SLC25A48: variants seen among roughly 807,000 people sequenced by gnomAD.
SLC25A48 encodes CTC-321K16.1.
SLC25A48 carries 29 observed loss-of-function variants against 32.2 expected under a neutral mutation model. The observed-to-expected ratio is 0.90, with a 90% confidence interval of 0.67 to 1.23. The LOEUF (loss-of-function observed/expected upper bound fraction) is 1.23. Ranked by LOEUF, SLC25A48 falls within the 50% of genes most tolerant of loss-of-function variation. SLC25A48 has a pLI of 0.00. For synonymous variants in SLC25A48, 164 were observed against 172.3 expected (o/e 0.95, Z 0.38); for missense variants, 399 against 422.7 (o/e 0.94, Z 0.49).
chr5:135,715,957 T>C (rs918911671), intron 3 of SLC25A48, among the ~76,000 whole-genome samples: 3 of 152,208 alleles, frequency 2.0e-5, no homozygotes, highest in Non-Finnish European at 2.9e-5. Flanking sequence ...TCCTGGCTTT[T>C]ACTTGGAATA....
At chr5:135,660,733 C>T (rs1447957724) in intron 3 of SLC25A48, among the ~76,000 whole-genome samples, 1 of 122,178 alleles carries the variant, frequency 8.2e-6, no homozygotes, top group Non-Finnish European at 1.7e-5. Flanking sequence ...AAGAACAGTG[C>T]TTCTCAAGCT....
At position 135,808,639 on chromosome 5, in the gene SLC25A48, C is replaced by T. The variant is rs532177381; in HGVS notation, c.-520-3884C>T. The stretch of plus-strand genomic sequence containing the variant: ...TGTGGACATCGAGAGGACCAGAGCC[C>T]GCTTGCTTTTCTGATCCTGTCCTGT... On this transcript the variant is annotated intron_variant, in intron 3 of 10. Coordinates refer to the SLC25A48 transcript ENST00000646290. Among the ~76,000 whole-genome samples, 52 of 152,178 alleles carry T rather than the reference C, an allele frequency of 3.4e-4. No homozygotes were observed. In the South Asian group the frequency reaches 9.8e-3, roughly 29 times the overall value.
At chr5:135,633,832 A>G (rs527290214) in intron 2 of SLC25A48, among the ~76,000 whole-genome samples, 1 of 152,328 alleles carries the variant, frequency 6.6e-6, no homozygotes, top group Admixed American at 6.5e-5. Flanking sequence ...TGTGGCAAAT[A>G]TATTGTTTGC....
At chr5:135,806,105 C>G (rs970192447) in intron 3 of SLC25A48, among the ~76,000 whole-genome samples, 4 of 151,552 alleles carry the variant, frequency 2.6e-5, no homozygotes, top group Non-Finnish European at 5.9e-5. Flanking sequence ...TTGCATTCAG[C>G]CTTTGTTGTC....
intron 3 of SLC25A48, among the ~76,000 whole-genome samples, chr5:135,667,830 T>C (rs941415081): frequency 1.1e-4 from 16 of 152,232 alleles, no homozygotes; most frequent in African/African-American, 3.6e-4. Context: ...TTTCAAATAG[T>C]AATGTTTTCA....
At chr5:135,667,637 T>G (rs947984742) in intron 3 of SLC25A48, among the ~76,000 whole-genome samples, 1 of 152,228 alleles carries the variant, frequency 6.6e-6, no homozygotes, top group African/African-American at 2.4e-5. Flanking sequence ...TTGTGATTCC[T>G]AAGACTCCAG....
chr5:135,801,495 A>G (rs1034132735), intron 3 of SLC25A48, among the ~76,000 whole-genome samples: 1 of 148,612 alleles, frequency 6.7e-6, no homozygotes, highest in African/African-American at 2.5e-5. Context: ...GGGTGTGTAA[A>G]CCCCCTGTGA....
At chr5:135,799,405 ATAT>A (rs1757266401) in intron 3 of SLC25A48, among the ~76,000 whole-genome samples, 1 of 151,070 alleles carries the variant, frequency 6.6e-6, no homozygotes, top group Admixed American at 6.7e-5. Context: ...CCGCCCCGTG[ATAT>A]TGTTTCTAAT....
intron 3 of SLC25A48, among the ~76,000 whole-genome samples, chr5:135,757,068 C>T (rs1755930947): frequency 6.7e-6 from 1 of 149,106 alleles, no homozygotes; most frequent in Admixed American, 6.7e-5. Flanking sequence ...AGTGTTAACA[C>T]TATGATATTT....
intron 3 of SLC25A48, among the ~76,000 whole-genome samples, chr5:135,705,861 C>T (rs1368192993): frequency 1.3e-5 from 2 of 152,132 alleles, no homozygotes; most frequent in African/African-American, 2.4e-5. Flanking sequence ...GGCTGGTCCC[C>T]ATGGCAAAGT....
chr5:135,585,431 C>G (rs1751341653), intron 1 of SLC25A48, among the ~76,000 whole-genome samples: 2 of 152,218 alleles, frequency 1.3e-5, no homozygotes, highest in Non-Finnish European at 2.9e-5. Flanking sequence ...GTAGGAGAGG[C>G]ACCTGCTGTC....
intron 3 of SLC25A48, among the ~76,000 whole-genome samples, chr5:135,805,860 A>G (rs956043876): frequency 6.6e-6 from 1 of 151,420 alleles, no homozygotes; most frequent in Non-Finnish European, 1.5e-5. Context: ...CTGTGGGTGT[A>G]TACCCTGTGT....
At chr5:135,703,840 C>A (rs1754446539) in intron 3 of SLC25A48, among the ~76,000 whole-genome samples, 1 of 152,218 alleles carries the variant, frequency 6.6e-6, no homozygotes, top group South Asian at 2.1e-4. Context: ...CCCACTCAAT[C>A]TCCACTGCCT....
intron 1 of SLC25A48, among the ~76,000 whole-genome samples, chr5:135,838,894 G>A (rs998970289): frequency 6.6e-6 from 1 of 152,210 alleles, no homozygotes. Context: ...CAGTGTGGAT[G>A]GGAAATGTAG....
chr5:135,872,109 C>A, intron 5 of SLC25A48: 1 of 863,486 alleles, frequency 1.2e-6, no homozygotes, highest in Non-Finnish European at 1.5e-6. Context: ...TGAGAAAACT[C>A]AGGTCCAGAA....
At chr5:135,723,035 C>T (rs1336283204) in intron 3 of SLC25A48, among the ~76,000 whole-genome samples, 1 of 152,236 alleles carries the variant, frequency 6.6e-6, no homozygotes, top group East Asian at 1.9e-4. Context: ...CCCTGCCCCT[C>T]TTTGGAGAGG....
chr5:135,641,786 G>A (rs1752843101), intron 3 of SLC25A48, among the ~76,000 whole-genome samples: 1 of 152,090 alleles, frequency 6.6e-6, no homozygotes, highest in Admixed American at 6.5e-5. Context: ...TCTGTCTCTG[G>A]GGCTCTGTGG....
At chr5:135,672,346 A>G (rs1383533632) in intron 3 of SLC25A48, among the ~76,000 whole-genome samples, 1 of 152,238 alleles carries the variant, frequency 6.6e-6, no homozygotes, top group African/African-American at 2.4e-5. Flanking sequence ...TTTCATAACC[A>G]CAGCAGGTTT....
intron 1 of SLC25A48, among the ~76,000 whole-genome samples, chr5:135,599,058 C>G (rs770664652): frequency 2.6e-5 from 4 of 152,016 alleles, no homozygotes; most frequent in Non-Finnish European, 4.4e-5. Flanking sequence ...CAGGAACTCA[C>G]TATTTTAAGG....
Sources: gnomAD v4.1 joint callset for allele counts (sites outside exome capture counted in the v4.1 genomes callset) on GRCh38, gnomAD v4.1.1 for gene constraint, MANE v1.5 for transcripts, NCBI Gene and HGNC (gene_info 2026-07-23, HGNC 2026-07-21) for gene names.